FBXO42: variants seen among roughly 807,000 people sequenced by gnomAD.
FBXO42 encodes F-box protein 42.
Under a neutral mutation model 71.7 loss-of-function variants are expected in FBXO42, and 12 were observed. The observed-to-expected ratio is 0.17, with a 90% CI of 0.11 to 0.27. The LOEUF (loss-of-function observed/expected upper bound fraction) is 0.27. FBXO42 is among the 10% of genes least tolerant of loss of function. FBXO42 has a pLI of 1.00. For missense variants in FBXO42, 707 were observed against 911.9 expected (o/e 0.78, Z 2.89); for synonymous variants, 325 against 327.5 (o/e 0.99, Z 0.08).
At chr1:16,278,528 G>A (rs1356291531) in intron 4 of FBXO42, among the ~76,000 whole-genome samples, 1 of 151,932 alleles carries the variant, frequency 6.6e-6, no homozygotes, top group Non-Finnish European at 1.5e-5. Context: ...AGACTCTACT[G>A]TCAGCTGCTT....
intron 5 of FBXO42, among the ~76,000 whole-genome samples, 187 bp from the exon 6 acceptor site, chr1:16,256,008 C>A (rs901744485): frequency 2.0e-5 from 3 of 152,192 alleles, no homozygotes; most frequent in Non-Finnish European, 4.4e-5. Flanking sequence ...TATCTTCTTT[C>A]AAGTTCTGAA....
intron 1 of FBXO42, among the ~76,000 whole-genome samples, chr1:16,340,125 G>A (rs757057332): frequency 1.8e-4 from 27 of 151,470 alleles, no homozygotes; most frequent in African/African-American, 5.6e-4. Context: ...GCAATGAGCC[G>A]TGATCGTGCC....
At chr1:16,305,487 C>T (rs1300550593) in intron 3 of FBXO42, among the ~76,000 whole-genome samples, 2 of 152,150 alleles carry the variant, frequency 1.3e-5, no homozygotes, top group African/African-American at 4.8e-5. Flanking sequence ...GAGGCCAAGG[C>T]AGGCCTATTG....
chr1:16,304,672 A>G (rs1040871859), intron 3 of FBXO42, among the ~76,000 whole-genome samples: 3 of 152,098 alleles, frequency 2.0e-5, no homozygotes, highest in African/African-American at 4.8e-5. Context: ...AGAAAAATCC[A>G]ATGAAAAAGC....
intron 4 of FBXO42, among the ~76,000 whole-genome samples, chr1:16,270,519 C>T (rs2081827778): frequency 6.6e-6 from 1 of 151,654 alleles, no homozygotes; most frequent in African/African-American, 2.4e-5. Context: ...TTTTCATCAT[C>T]CTTCACTTAT....
chr1:16,349,711 A>C (rs962414408), intron 1 of FBXO42, among the ~76,000 whole-genome samples: 5 of 152,118 alleles, frequency 3.3e-5, no homozygotes, highest in Admixed American at 6.6e-5. Context: ...AAATACAAAA[A>C]ATTAGCTGGG....
chr1:16,317,060 C>T (rs955111670), intron 1 of FBXO42, among the ~76,000 whole-genome samples: 2 of 152,176 alleles, frequency 1.3e-5, no homozygotes, highest in African/African-American at 2.4e-5. Flanking sequence ...GCGGGCGGAT[C>T]ACCTGAGGTC....
intron 1 of FBXO42, among the ~76,000 whole-genome samples, chr1:16,324,023 G>A (rs948217530): frequency 6.6e-6 from 1 of 151,960 alleles, no homozygotes; most frequent in Non-Finnish European, 1.5e-5. Context: ...TGCTACTCTT[G>A]AAAATATACT....
intron 4 of FBXO42, among the ~76,000 whole-genome samples, chr1:16,261,105 G>T (rs981775428): frequency 6.6e-6 from 1 of 152,318 alleles, no homozygotes; most frequent in African/African-American, 2.4e-5. Context: ...TGCCTTAAAA[G>T]GTCTAGTGTT....
At chr1:16,325,437 C>G (rs1483918118) in intron 1 of FBXO42, among the ~76,000 whole-genome samples, 1 of 151,978 alleles carries the variant, frequency 6.6e-6, no homozygotes, top group African/African-American at 2.4e-5. Flanking sequence ...AATAATTTGG[C>G]ATAACCATTG....
intron 4 of FBXO42, among the ~76,000 whole-genome samples, chr1:16,272,047 C>T (rs1485513942): frequency 4.8e-5 from 7 of 146,552 alleles, no homozygotes; most frequent in African/African-American, 1.0e-4. Flanking sequence ...CCCAGCTACT[C>T]GAGAGGCTAA....
rs530263128 is a variant in FBXO42, at chr1:16,350,882, T to G, written c.-18+1373A>C. On this transcript the variant is annotated intron_variant, in intron 1 of 9. Coordinates refer to ENST00000375592, the MANE Select transcript of FBXO42 (RefSeq NM_018994.3). ...CAACATGCCTATGGATCAATGTAGA[T>G]TGAATCATCTATTTATACTGGCTTG... Among the ~76,000 whole-genome samples the G allele has an allele frequency of 3.3e-5, 5 of 152,260 alleles. No individual in the cohort carries two copies. The South Asian group carries it at 1.0e-3, about 32-fold the overall frequency.
intron 1 of FBXO42, among the ~76,000 whole-genome samples, chr1:16,341,895 T>A (rs1474276451): frequency 2.0e-5 from 3 of 147,192 alleles, no homozygotes; most frequent in African/African-American, 5.1e-5. Context: ...CGCTTGAACC[T>A]GGGAGGCGGA....
chr1:16,252,445 T>G lies in FBXO42; in HGVS notation c.922-41A>C, dbSNP rs908490550. ...CCAATAACAAGACTCAGGTGTGATA[T>G]GCGTTCCAAAACACACACACACAGA... On this transcript the variant is annotated intron_variant, in intron 8 of 9. Coordinates refer to ENST00000375592, the MANE Select transcript of FBXO42 (RefSeq NM_018994.3). This position sits in a 1 kb window ranked among gnomAD's most constrained non-coding sequence, Gnocchi z 4.4. 3 of 1,498,572 alleles carry G rather than the reference T, an allele frequency of 2.0e-6. No individual in the cohort carries two copies. The highest frequency in any genetic ancestry group is 2.8e-6 in the Non-Finnish European group (3 of 1,077,334). 92.8% of individuals were successfully genotyped at this position (1,498,572 alleles called of 1,614,324 possible).
At chr1:16,340,600 T>C (rs1029724968) in intron 1 of FBXO42, among the ~76,000 whole-genome samples, 11 of 152,150 alleles carry the variant, frequency 7.2e-5, no homozygotes, top group African/African-American at 2.7e-4. Flanking sequence ...ATTACAGGCG[T>C]GAGCCACTGC....
At chr1:16,263,103 A>C (rs2081732442) in intron 4 of FBXO42, among the ~76,000 whole-genome samples, 1 of 152,188 alleles carries the variant, frequency 6.6e-6, no homozygotes, top group African/African-American at 2.4e-5. Context: ...AAAAACAAGA[A>C]AAGCCATATT....
At chr1:16,274,448 A>C (rs965079656) in intron 4 of FBXO42, among the ~76,000 whole-genome samples, 3 of 152,028 alleles carry the variant, frequency 2.0e-5, no homozygotes, top group African/African-American at 7.2e-5. Context: ...GAGGTGAAGA[A>C]AGTTTTCGTA....
At chr1:16,324,978 C>T (rs534967937) in intron 1 of FBXO42, among the ~76,000 whole-genome samples, 11 of 152,214 alleles carry the variant, frequency 7.2e-5, no homozygotes, top group Non-Finnish European at 1.5e-4. Flanking sequence ...TGGCTCACAC[C>T]AGTAAACCCA....
chr1:16,293,029 T>G (rs562485928), intron 4 of FBXO42: 3 of 152,376 alleles, frequency 2.0e-5, no homozygotes, highest in African/African-American at 7.2e-5. Flanking sequence ...TATTAATCAA[T>G]TTGCACTAAG....
Sources: allele counts gnomAD v4.1 joint callset (sites outside exome capture counted in the v4.1 genomes callset), GRCh38; gene constraint gnomAD v4.1.1; non-coding constraint Gnocchi (gnomAD v3.1); transcripts MANE v1.5; gene names NCBI Gene and HGNC (gene_info 2026-07-23, HGNC 2026-07-21).